The following USP24 variants were observed in gnomAD, a reference collection of about 807,000 sequenced individuals.
USP24 encodes the protein ubiquitin carboxyl-terminal hydrolase 24.
A neutral mutation model predicts 361.6 loss-of-function variants in USP24; 97 were observed. That is an observed-to-expected ratio of 0.27 (90% CI 0.23 to 0.32). The LOEUF (loss-of-function observed/expected upper bound fraction) is 0.32. Ranked by LOEUF, USP24 falls within the 10% of genes least tolerant of loss-of-function variation. The pLI is 1.00. For missense variants in USP24, 2,353 were observed against 3,165.6 expected (o/e 0.74, Z 6.16); for synonymous variants, 1,098 against 1,124.6 (o/e 0.98, Z 0.47).
At position 55,083,383 on chromosome 1, in the gene USP24, A is replaced by T. The variant is rs111473611; in HGVS notation, c.6883-19T>A. The T allele has an allele frequency of 1.4e-3, 2,281 of 1,611,870 alleles. 32 individuals carry two copies. The African/African-American group carries it at 0.027, about 19-fold the overall frequency. On this transcript the variant is annotated intron_variant, in intron 57 of 67. Transcript: ENST00000294383. ...TTCCTTGCTGTCACAAGATATTGAG[A>T]ATAACAAATTATATTTCTATCCAGA...
At chr1:55,169,212 T>C (rs1649202633) in intron 5 of USP24, among the ~76,000 whole-genome samples, 1 of 151,934 alleles carries the variant, frequency 6.6e-6, no homozygotes. Context: ...GCAAAGTAGA[T>C]ATAAATTTAA....
chr1:55,071,211 T>A, intron 67 of USP24: 4 of 987,182 alleles, frequency 4.1e-6, no homozygotes, highest in Non-Finnish European at 4.8e-6. Context: ...CAGAGGAGAC[T>A]GCTGTTAAGG....
intron 38 of USP24, 44 bp downstream of exon 38, chr1:55,120,552 T>C (rs1160058203): frequency 1.3e-6 from 2 of 1,491,694 alleles, no homozygotes; most frequent in Non-Finnish European, 8.9e-7. Flanking sequence ...TTATCATTTA[T>C]CCTCTCTCTG....
intron 37 of USP24, 45 bp from the exon 38 acceptor site, chr1:55,120,801 T>G: frequency 6.8e-7 from 1 of 1,476,884 alleles, no homozygotes; most frequent in Non-Finnish European, 9.0e-7. Context: ...TGAATCAACA[T>G]GTTGAGACTG....
In USP24 at chr1:55,172,503, A is replaced by G; in HGVS notation, c.576T>C (p.Ala192=). 6.2e-7 allele frequency: 1 copy of G among 1,612,958 alleles called. No individual in the cohort carries two copies. The highest frequency in any genetic ancestry group is 8.5e-7 in the Non-Finnish European group (1 of 1,179,446). Residue 192 remains alanine (A), a synonymous_variant, in exon 4 of 68, where the codon GCT becomes GCC. Coordinates refer to ENST00000294383, the MANE Select transcript of USP24 (RefSeq NM_015306.3). ...EAFKKLLTSS[A]VHKWGTEIHE... Reference sequence around the variant, plus strand: ...GAATTTCAGTACCCCACTTGTGAACAGCACTTGATGTCAGGAGCTATAAAA... The same window carrying G: ...GAATTTCAGTACCCCACTTGTGAACGGCACTTGATGTCAGGAGCTATAAAA...
At chr1:55,077,406 T>C (rs56235208) in intron 61 of USP24, 106 bp from the exon 62 acceptor site, 39,752 of 962,364 alleles carry the variant, frequency 0.041, 1,116 homozygotes, top group African/African-American at 0.13. Context: ...TGGCCGACCC[T>C]GGACAAGTCA....
chr1:55,130,060 T>C (rs1226878892), intron 31 of USP24, among the ~76,000 whole-genome samples: 1 of 152,150 alleles, frequency 6.6e-6, no homozygotes, highest in Non-Finnish European at 1.5e-5. Context: ...GTTAAGTAGG[T>C]TAAGTGACTG....
rs1235245849 is a variant in USP24 at position 55,215,006 on chromosome 1, C to T, written c.108G>A (p.Glu36=). 2.0e-6 allele frequency: 3 copies of T among 1,473,302 alleles called. No homozygotes were observed. Among genetic ancestry groups the T allele is most frequent in the Non-Finnish European group, 2.7e-6 (3 of 1,111,764 alleles). The allele number at this position is 1,473,302 out of a possible 1,614,324, so 91.3% of individuals were successfully genotyped here. ...GCTCGTTGGTGAGCAGTGCCACGGC[C>T]TCGTTAATGTCGTTCTTGGCCAGGC... ...ALRLAKNDIN[E]AVALLTNERP... is the part of the protein sequence containing the mutation. Residue 36 remains glutamate (E), a synonymous_variant, in exon 1 of 68, where the codon GAG becomes GAA. Coordinates refer to ENST00000294383, the MANE Select transcript of USP24 (RefSeq NM_015306.3).
At chr1:55,195,522 C>T (rs1644392061) in intron 1 of USP24, among the ~76,000 whole-genome samples, 1 of 152,120 alleles carries the variant, frequency 6.6e-6, no homozygotes, top group South Asian at 2.1e-4. Flanking sequence ...TCCTGTCTTT[C>T]AGGGAAAAAG....
intron 55 of USP24, among the ~76,000 whole-genome samples, chr1:55,087,573 G>A (rs537926675): frequency 1.3e-5 from 2 of 152,310 alleles, no homozygotes; most frequent in South Asian, 4.1e-4. Flanking sequence ...AAACTCTAAA[G>A]GGACAGGCGT....
intron 12 of USP24, 56 bp from the exon 13 acceptor site, chr1:55,154,834 TC>T (rs1647463479): frequency 7.2e-7 from 1 of 1,396,150 alleles, no homozygotes; most frequent in East Asian, 2.3e-5. Flanking sequence ...ACAACCTAAG[TC>T]TTCCCCCTGG....
Position 55,071,893 on chromosome 1 carries a change from T to C in USP24, c.7721A>G (p.Asn2574Ser). The change falls in exon 67 of 68, where the codon AAT (asparagine) becomes AGT (serine). Residue 2574 changes from asparagine to serine, a missense_variant. Physicochemically the swap from Asn to Ser is conservative, Grantham distance 46 (BLOSUM62 1). Around this residue, in one of 8 missense-constraint regions of USP24, gnomAD observed 53 missense variants for 57.7 expected, o/e 0.92. Transcript: ENST00000294383. ...DTLAYATALL[N>S]EKEQSGSSNG... The stretch of plus-strand genomic sequence containing the variant: ...ACTGCTTCCTGATTGCTCTTTTTCA[T>C]TCAACAAAGCTGTGGCATACGCTAA... 1 of 1,612,760 alleles carries C rather than the reference T, an allele frequency of 6.2e-7. No individual in the cohort carries two copies. The highest frequency in any genetic ancestry group is 8.5e-7 in the Non-Finnish European group (1 of 1,179,462).
In USP24 at chr1:55,086,025, C is replaced by T. The variant is rs757350386; in HGVS notation, c.6682G>A (p.Glu2228Lys). The change falls in exon 56 of 68, where the codon GAG becomes AAG. Residue 2228 changes from glutamate to lysine, a missense_variant. Glu to Lys is a moderately conservative substitution (Grantham distance 56, BLOSUM62 1). This residue lies in a region of USP24 where 598 missense variants were observed against 761.9 expected (regional missense o/e 0.78). Coordinates refer to ENST00000294383, the MANE Select transcript of USP24 (RefSeq NM_015306.3). ...GRELIKIFLLECNVREVRVAV... is the reference protein window; with the variant it reads ...GRELIKIFLLKCNVREVRVAV... ...ACTCGTACTTCTCTCACATTGCACTCCAGTAAGAAAATCCTGAAAGAAAGA... is the reference window on the plus strand; with the variant it reads ...ACTCGTACTTCTCTCACATTGCACTTCAGTAAGAAAATCCTGAAAGAAAGA... 3 of 1,613,744 alleles carry T rather than the reference C, an allele frequency of 1.9e-6. No homozygotes were observed. The highest frequency in any genetic ancestry group is 1.7e-6 in the Non-Finnish European group (2 of 1,179,824).
intron 19 of USP24, 61 bp downstream of exon 19, chr1:55,146,868 C>T (rs373472913): frequency 6.3e-7 from 1 of 1,593,062 alleles, no homozygotes; most frequent in African/African-American, 1.3e-5. Flanking sequence ...GTGAGACACA[C>T]AGAAAAAGTG....
Position 55,147,683 on chromosome 1 carries a change from G to C in USP24, c.2084C>G (p.Ser695Trp). 6.2e-7 allele frequency: 1 copy of C among 1,610,316 alleles called. No individual in the cohort carries two copies. Among genetic ancestry groups the C allele is most frequent in the Non-Finnish European group, 8.5e-7 (1 of 1,178,282 alleles). ...AVAGPGGLSG[S>W]TLVDGRYTYR... is the part of the protein sequence containing the mutation. Reference sequence around the variant, plus strand: ...AGTGTACCGGCCATCCACTAGTGTCGAGCCACTTAAGCCTCCAGGCCCGGC... The same window carrying C: ...AGTGTACCGGCCATCCACTAGTGTCCAGCCACTTAAGCCTCCAGGCCCGGC... Residue 695 changes from serine (S) to tryptophan (W), a missense_variant, in exon 18 of 68, where the codon TCG becomes TGG. By Grantham distance (177) the Ser-to-Trp change is radical (BLOSUM62 -3). Coordinates refer to ENST00000294383, the MANE Select transcript of USP24 (RefSeq NM_015306.3).
chr1:55,133,422 C>A (rs1291585585), intron 30 of USP24, among the ~76,000 whole-genome samples: 3 of 152,150 alleles, frequency 2.0e-5, no homozygotes, highest in Non-Finnish European at 4.4e-5. Context: ...AAAAACGTCT[C>A]AACTGAATCA....
At position 55,069,119 on chromosome 1, in the gene USP24, A is replaced by G. The variant is rs778417707; in HGVS notation, c.7801-12T>C. 9 of 1,613,862 alleles carry G rather than the reference A, an allele frequency of 5.6e-6. No homozygotes were observed. Among genetic ancestry groups the G allele is most frequent in the Non-Finnish European group, 7.6e-6 (9 of 1,179,892 alleles). ...GGAGATTCTGAACCCTGCAGAAAAG[A>G]AAAGGAAGTTAAAGTTCATACGGTT... On this transcript the variant is annotated splice_polypyrimidine_tract_variant and intron_variant, in intron 67 of 67. Coordinates refer to ENST00000294383, the MANE Select transcript of USP24 (RefSeq NM_015306.3).
At chr1:55,171,508 T>G (rs1254033829) in intron 5 of USP24, 48 bp downstream of exon 5, 36 of 1,552,266 alleles carry the variant, frequency 2.3e-5, no homozygotes, top group Non-Finnish European at 3.0e-5. Context: ...GAAAATCTTC[T>G]TTTTCAATAC....
chr1:55,139,459 G>A (rs1646828285), intron 24 of USP24, among the ~76,000 whole-genome samples: 1 of 152,100 alleles, frequency 6.6e-6, no homozygotes, highest in Non-Finnish European at 1.5e-5. Context: ...CAGTAAGTAC[G>A]ACACAAACAA....
Sources: allele counts gnomAD v4.1 joint callset (sites outside exome capture counted in the v4.1 genomes callset), GRCh38; gene constraint gnomAD v4.1.1; regional missense constraint gnomAD v4.1.1; transcripts MANE v1.5; gene names NCBI Gene and HGNC (gene_info 2026-07-23, HGNC 2026-07-21).